Variants in CARD10 observed in about 807,000 individuals in gnomAD.
CARD10 encodes the protein caspase recruitment domain family member 10.
A neutral mutation model predicts 114.6 loss-of-function variants in CARD10; 49 were observed. That is an observed-to-expected ratio of 0.43 (90% CI 0.34 to 0.54). The LOEUF is 0.54. CARD10 is among the 20% of genes least tolerant of loss of function. The probability of loss-of-function intolerance (pLI) is 0.03; values close to 1 mark genes in which losing one functional copy is unlikely to be tolerated. For synonymous variants in CARD10, 602 were observed against 593.2 expected (o/e 1.01, Z -0.21); for missense variants, 1,206 against 1,397.2 (o/e 0.86, Z 2.18).
chr22:37,492,652 C>T lies in CARD10; in HGVS notation c.2627G>A (p.Cys876Tyr). The change falls in exon 17 of 20, where the codon TGC (cysteine) becomes TAC (tyrosine). Residue 876 changes from cysteine (C) to tyrosine (Y), a missense_variant. Coordinates refer to ENST00000251973, the MANE Select transcript of CARD10 (RefSeq NM_014550.4). This position sits in a 1 kb window ranked among gnomAD's most constrained non-coding sequence, Gnocchi z 5.7. ...CCGGCACATAGTCTCACCCGCTGGG[C>T]ACACTTGGAAGTCCAGCCGGGAGCT... ...LPSSRLDFQV[C>Y]PAESLSGEEL... 1 of 1,612,850 alleles carries T rather than the reference C, an allele frequency of 6.2e-7. No individual in the cohort carries two copies. The highest frequency in any genetic ancestry group is 8.5e-7 in the Non-Finnish European group (1 of 1,179,782).
In CARD10 at chr22:37,492,900, T is replaced by A. The variant is rs1047056068; in HGVS notation, c.2477-98A>T. On this transcript the variant is annotated intron_variant, in intron 16 of 19. Transcript: ENST00000251973. The surrounding 1 kb of genome is among the most constrained non-coding windows in gnomAD (Gnocchi z 5.7). ...ACCCACCCCGCCACCCATCCCTTCCTAAGTCCTGCTGCTGCTCCTCCTACA... is the reference window on the plus strand; with the variant it reads ...ACCCACCCCGCCACCCATCCCTTCCAAAGTCCTGCTGCTGCTCCTCCTACA... 7.8e-7 allele frequency: 1 copy of A among 1,284,218 alleles called. No homozygotes were observed. The highest frequency in any genetic ancestry group is 1.5e-5 in the African/African-American group (1 of 67,958). The allele number at this position is 1,284,218 out of a possible 1,614,324, so 79.6% of individuals were successfully genotyped here.
Position 37,504,679 on chromosome 22 carries a change from T to C in CARD10, c.1474A>G (p.Thr492Ala). The change falls in exon 8 of 20, where the codon ACT becomes GCT. Residue 492 changes from threonine (T) to alanine (A), a missense_variant. Transcript: ENST00000251973. The stretch of plus-strand genomic sequence containing the variant: ...CCCCCCATGACAGCTGCCTCCCCAG[T>C]TGCTTCTGGGCCTCCCAGAGGGGAG... ...FPSPLGGPEA[T>A]GEAAVMGGPE... 1 of 1,569,810 alleles carries C rather than the reference T, an allele frequency of 6.4e-7. No homozygotes were observed. The highest frequency in any genetic ancestry group is 1.2e-5 in the South Asian group (1 of 83,930).
At chr22:37,514,986 C>T (rs904575210) in intron 3 of CARD10, among the ~76,000 whole-genome samples, 1 of 152,196 alleles carries the variant, frequency 6.6e-6, no homozygotes, top group Non-Finnish European at 1.5e-5. Flanking sequence ...AGGGAGTAGG[C>T]GGAACAGCAG....
chr22:37,519,268 G>T lies in CARD10; in HGVS notation c.-68C>A, dbSNP rs1022529284. 1.1e-5 allele frequency: 16 copies of T among 1,404,234 alleles called. No individual in the cohort carries two copies. The highest frequency in any genetic ancestry group is 8.6e-5 in the Admixed American group (3 of 34,836). The allele number at this position is 1,404,234 out of a possible 1,614,324, so 87.0% of individuals were successfully genotyped here. On this transcript the variant is annotated 5_prime_UTR_variant, in exon 1 of 20. Transcript: ENST00000251973. This position sits in a 1 kb window ranked among gnomAD's most constrained non-coding sequence, Gnocchi z 4.1. The stretch of plus-strand genomic sequence containing the variant: ...CGACCAGGGCTCCCTAGGGCTAGAT[G>T]TGCGGCCAAGCACCCCCGGGGCGTC...
Position 37,507,819 on chromosome 22 carries a change from C to T in CARD10, c.1191+10G>A, listed in dbSNP as rs1285093401. ...TGGCCCAGGGCCTCGTACACGCAGG[C>T]TGGGCTCACCTGGTCTCGCTCCTTC... On this transcript the variant is annotated intron_variant, in intron 6 of 19. Transcript: ENST00000251973. The T allele has an allele frequency of 6.2e-7, 1 of 1,614,100 alleles. No homozygotes were observed. Among genetic ancestry groups the T allele is most frequent in the East Asian group, 2.2e-5 (1 of 44,884 alleles).
Position 37,506,306 on chromosome 22 carries a change from C to T in CARD10, c.1269G>A (p.Val423=), listed in dbSNP as rs1289298938. Residue 423 remains valine (V), a synonymous_variant, in exon 7 of 20, where the codon GTG becomes GTA. Transcript: ENST00000251973. ...CATCCCGCTCCGCCTCCAGGCCCCG[C>T]ACCTGCTTGCGGTACTGGTCCTTCT... The part of the protein sequence containing the change: ...LIEKDQYRKQ[V]RGLEAERDEL... The T allele has an allele frequency of 1.2e-6, 2 of 1,611,084 alleles. No homozygotes were observed. The highest frequency in any genetic ancestry group is 1.7e-5 in the Admixed American group (1 of 59,670).
At chr22:37,508,765 C>T (rs761119573) in intron 4 of CARD10, 83 bp from the exon 5 acceptor site, 44 of 1,429,658 alleles carry the variant, frequency 3.1e-5, no homozygotes, top group Non-Finnish European at 3.8e-5. Flanking sequence ...ACGCAGCTCT[C>T]AGCCCTCCAA....
Position 37,500,487 on chromosome 22 carries a change from G to GC in CARD10, c.1787+2114dup, listed in dbSNP as rs764274835. Among the ~76,000 whole-genome samples the GC allele has an allele frequency of 3.3e-5, 5 of 151,608 alleles. No individual in the cohort carries two copies. In the East Asian group the frequency reaches 5.8e-4, roughly 18 times the overall value. ...TCAGCCCAACCCCCGGTCTGCCCCA[G>GC]CCCCCCACTATCCACCATCCCCTCC... On this transcript the variant is annotated intron_variant, in intron 11 of 19. Transcript: ENST00000251973.
At chr22:37,508,026 G>A in intron 5 of CARD10, 72 bp from the exon 6 acceptor site, 1 of 1,582,432 alleles carries the variant, frequency 6.3e-7, no homozygotes, top group Non-Finnish European at 8.6e-7. Flanking sequence ...CAGGTGCCCA[G>A]GAGGGCCAGT....
chr22:37,508,389 T>C (rs1923488299), intron 5 of CARD10, 138 bp downstream of exon 5: 24 of 1,030,318 alleles, frequency 2.3e-5, no homozygotes, highest in Non-Finnish European at 3.3e-5. Flanking sequence ...GAAGGGTGCC[T>C]CCGTCAACAT....
At chr22:37,499,789 G>C (rs572815295) in intron 11 of CARD10, among the ~76,000 whole-genome samples, 1 of 152,122 alleles carries the variant, frequency 6.6e-6, no homozygotes, top group African/African-American at 2.4e-5. Context: ...GGTCCAGATA[G>C]GGTTCCTCCC....
chr22:37,495,404 A>T, intron 15 of CARD10, 113 bp downstream of exon 15: 1 of 765,838 alleles, frequency 1.3e-6, no homozygotes, highest in Non-Finnish European at 2.1e-6. Flanking sequence ...TTAAATCACC[A>T]GGGAAGGAGG....
chr22:37,498,088 CACAG>C (rs1923073657), intron 11 of CARD10, among the ~76,000 whole-genome samples: 1 of 152,172 alleles, frequency 6.6e-6, no homozygotes, highest in African/African-American at 2.4e-5. Context: ...GAGGACAGAA[CACAG>C]GATGCGTGGA....
intron 5 of CARD10, 94 bp downstream of exon 5, chr22:37,508,433 G>C: frequency 7.6e-7 from 1 of 1,308,564 alleles, no homozygotes; most frequent in South Asian, 1.5e-5. Context: ...TCAGCGCGGC[G>C]CCTGCGTCAA....
At position 37,495,535 on chromosome 22, in the gene CARD10, G is replaced by A. The variant is rs1169032702; in HGVS notation, c.2355C>T (p.His785=). 5 of 1,612,604 alleles carry A rather than the reference G, an allele frequency of 3.1e-6. No individual in the cohort carries two copies. The highest frequency in any genetic ancestry group is 4.2e-6 in the Non-Finnish European group (5 of 1,179,656). The change falls in exon 15 of 20, where the codon CAC becomes CAT. Residue 785 remains histidine (H), a synonymous_variant. Coordinates refer to ENST00000251973, the MANE Select transcript of CARD10 (RefSeq NM_014550.4). ...VQEKCLPSSR[H]RGPRSNLKKR... is the part of the protein sequence containing the mutation. ...TGCTCACATTACTGCGGGGGCCTCG[G>A]TGCCGGCTGGAGGGCAGGCATTTCT...
intron 10 of CARD10, 119 bp from the exon 11 acceptor site, chr22:37,502,844 G>T: frequency 8.4e-7 from 1 of 1,188,968 alleles, no homozygotes; most frequent in Non-Finnish European, 1.2e-6. Flanking sequence ...GAGGCCCCAG[G>T]AGCACATCAG....
Position 37,496,898 on chromosome 22 carries a change from C to T in CARD10, c.1947+121G>A. ...CAACCACAGCTAATCACTGAGCCCG[C>T]TTCGGCTTTGACCAATCCCCAGAAG... On this transcript the variant is annotated intron_variant, in intron 12 of 19. Coordinates refer to ENST00000251973, the MANE Select transcript of CARD10 (RefSeq NM_014550.4). The surrounding 1 kb of genome is among the most constrained non-coding windows in gnomAD (Gnocchi z 4.1). 8.2e-7 allele frequency: 1 copy of T among 1,225,074 alleles called. No individual in the cohort carries two copies. Among genetic ancestry groups the T allele is most frequent in the Non-Finnish European group, 1.1e-6 (1 of 879,092 alleles). 75.9% of individuals were successfully genotyped at this position (1,225,074 alleles called of 1,614,324 possible). A position where few individuals can be genotyped will look rare whatever the true frequency, so the allele number is the denominator to read the frequency against.
rs1265382881 is a variant in CARD10, at chr22:37,492,577, T to G, written c.2636-27A>C. On this transcript the variant is annotated intron_variant, in intron 17 of 19. Coordinates refer to ENST00000251973, the MANE Select transcript of CARD10 (RefSeq NM_014550.4). The surrounding 1 kb of genome is among the most constrained non-coding windows in gnomAD (Gnocchi z 5.7). The stretch of plus-strand genomic sequence containing the variant: ...TGCACAGGGAGTGGAGAGGGAGAGA[T>G]GAAGGATCCATGGGCCCGGCTGCCC... 1 of 1,603,568 alleles carries G rather than the reference T, an allele frequency of 6.2e-7. No individual in the cohort carries two copies.
At chr22:37,517,603 C>T (rs1418417198) in intron 2 of CARD10, among the ~76,000 whole-genome samples, 1 of 151,992 alleles carries the variant, frequency 6.6e-6, no homozygotes, top group African/African-American at 2.4e-5. Context: ...GATCGCGCCA[C>T]TGCACTCCAG....
Sources: allele counts gnomAD v4.1 joint callset (sites outside exome capture counted in the v4.1 genomes callset), GRCh38; gene constraint gnomAD v4.1.1; non-coding constraint Gnocchi (gnomAD v3.1); transcripts MANE v1.5; gene names NCBI Gene and HGNC (gene_info 2026-07-23, HGNC 2026-07-21).